The following LIPI variants were observed in gnomAD, a reference collection of about 807,000 sequenced individuals.
LIPI encodes lipase member I.
LIPI carries 59 observed loss-of-function variants against 50.6 expected under a neutral mutation model. That is an observed-to-expected ratio of 1.16 (90% CI 0.94 to 1.45). The LOEUF is 1.45. Among genes scored for constraint, LIPI ranks in the 40% most tolerant of loss-of-function variants. LIPI has a pLI of 0.00. For missense variants in LIPI, 586 were observed against 536.3 expected (o/e 1.09, Z -0.92); for synonymous variants, 203 against 178.2 (o/e 1.14, Z -1.11).
chr21:14,150,755 T>C (rs1457305884), intron 8 of LIPI, among the ~76,000 whole-genome samples: 1 of 152,188 alleles, frequency 6.6e-6, no homozygotes, highest in Non-Finnish European at 1.5e-5. Context: ...GTGTTCAAAA[T>C]TAGGTGAAAA....
At chr21:14,138,815 G>T (rs946098274) in intron 9 of LIPI, among the ~76,000 whole-genome samples, 1 of 151,898 alleles carries the variant, frequency 6.6e-6, no homozygotes, top group Non-Finnish European at 1.5e-5. Context: ...GTGCATTTTA[G>T]ATCTTTCATT....
At chr21:14,165,447 C>T (rs1305922225) in intron 5 of LIPI, 57 bp from the exon 6 acceptor site, 2 of 1,278,268 alleles carry the variant, frequency 1.6e-6, no homozygotes, top group African/African-American at 3.0e-5. Context: ...TGTTCAAGTA[C>T]ATTTAAAAAC....
At chr21:14,171,780 C>T (rs927454434) in intron 4 of LIPI, among the ~76,000 whole-genome samples, 4 of 151,814 alleles carry the variant, frequency 2.6e-5, no homozygotes, top group Non-Finnish European at 4.4e-5. Flanking sequence ...AAAACCTAGG[C>T]AATACCATTC....
intron 6 of LIPI, among the ~76,000 whole-genome samples, chr21:14,163,965 C>T (rs1052104750): frequency 8.6e-5 from 13 of 150,714 alleles, no homozygotes; most frequent in African/African-American, 3.2e-4. Flanking sequence ...CATGTGTATA[C>T]ATTATATATA....
chr21:14,152,227 A>G (rs1033335510), intron 8 of LIPI, among the ~76,000 whole-genome samples: 1 of 151,986 alleles, frequency 6.6e-6, no homozygotes, highest in African/African-American at 2.4e-5. Flanking sequence ...CAGCCTCCTG[A>G]GTAGCTGGGA....
intron 2 of LIPI, among the ~76,000 whole-genome samples, chr21:14,186,326 A>C (rs1014089138): frequency 2.0e-5 from 3 of 152,314 alleles, no homozygotes; most frequent in African/African-American, 7.2e-5. Flanking sequence ...AACAGTATGC[A>C]AAATGCAATT....
intron 9 of LIPI, among the ~76,000 whole-genome samples, chr21:14,128,488 G>A (rs1025700135): frequency 1.3e-5 from 2 of 151,992 alleles, no homozygotes; most frequent in African/African-American, 4.8e-5. Context: ...TAATAGAGAG[G>A]ATACCTCATA....
In LIPI at chr21:14,165,156, G is replaced by A. The variant is rs971250679; in HGVS notation, c.901+67C>T. ...AGAGTGCACAGTTTAGCTTCCAGCAGAAAATACTAACAATTATGTTATTCA... is the reference window on the plus strand; with the variant it reads ...AGAGTGCACAGTTTAGCTTCCAGCAAAAAATACTAACAATTATGTTATTCA... On this transcript the variant is annotated intron_variant, in intron 6 of 9. Coordinates refer to ENST00000681601, the MANE Select transcript of LIPI (RefSeq NM_001302998.2). 4.7e-6 allele frequency: 6 copies of A among 1,270,714 alleles called. No individual in the cohort carries two copies. The Admixed American group carries it at 1.0e-4, about 22-fold the overall frequency. The allele number at this position is 1,270,714 out of a possible 1,614,324, so 78.7% of individuals were successfully genotyped here.
chr21:14,204,319 G>A (rs775926885), intron 1 of LIPI, among the ~76,000 whole-genome samples: 9 of 150,722 alleles, frequency 6.0e-5, no homozygotes, highest in Non-Finnish European at 1.3e-4. Flanking sequence ...TTTGGGAGGA[G>A]AGAGAGAAAA....
In LIPI at chr21:14,174,980, G is replaced by A. The variant is rs139794378; in HGVS notation, c.643+6778C>T. On this transcript the variant is annotated intron_variant, in intron 4 of 9. Transcript: ENST00000681601. ...TTGTTTCTGGCTTTTTAGATTATTA[G>A]TATGTTTGTGCTATCAATCCACATT... is the stretch of plus-strand genomic sequence containing the variant. 4.9e-3 allele frequency among the ~76,000 whole-genome samples: 750 copies of A among 152,260 alleles called. 3 individuals carry two copies. The highest frequency in any genetic ancestry group is 0.017 in the African/African-American group (710 of 41,536).
chr21:14,109,901 C>G (rs892463821), intron 9 of LIPI, among the ~76,000 whole-genome samples: 5 of 151,478 alleles, frequency 3.3e-5, no homozygotes, highest in African/African-American at 9.7e-5. Context: ...ATTTTGATAT[C>G]TTTTTTATCT....
chr21:14,181,255 T>C (rs1421838000), intron 4 of LIPI, among the ~76,000 whole-genome samples: 1 of 152,148 alleles, frequency 6.6e-6, no homozygotes, highest in African/African-American at 2.4e-5. Flanking sequence ...AAAAATCCAA[T>C]ACCCTGTTAG....
intron 9 of LIPI, among the ~76,000 whole-genome samples, chr21:14,130,759 C>T (rs2017261561): frequency 6.6e-6 from 1 of 152,122 alleles, no homozygotes; most frequent in Non-Finnish European, 1.5e-5. Context: ...ATAACTACTC[C>T]CCTAATGCCA....
rs1244031468 is a variant in LIPI at position 14,140,246 on chromosome 21, G to C, written c.1295+4377C>G. Among the ~76,000 whole-genome samples the C allele has an allele frequency of 3.3e-5, 5 of 152,188 alleles. No homozygotes were observed. The East Asian group carries it at 9.6e-4, about 29-fold the overall frequency. ...TAAAGAATTCTGGATATTTTCAGAAGGTAGGAACAAAGAGATTTCATGATT... is the reference window on the plus strand; with the variant it reads ...TAAAGAATTCTGGATATTTTCAGAACGTAGGAACAAAGAGATTTCATGATT... On this transcript the variant is annotated intron_variant, in intron 9 of 9. Transcript: ENST00000681601.
chr21:14,154,378 A>G (rs1160410066), intron 7 of LIPI, among the ~76,000 whole-genome samples: 2 of 152,020 alleles, frequency 1.3e-5, no homozygotes, highest in African/African-American at 4.8e-5. Flanking sequence ...CATTTTCAGG[A>G]AAGACAAAAA....
chr21:14,172,599 G>A (rs1230341029), intron 4 of LIPI, among the ~76,000 whole-genome samples: 2 of 151,432 alleles, frequency 1.3e-5, no homozygotes, highest in Admixed American at 6.6e-5. Flanking sequence ...CATCATTCTC[G>A]GTAAACTATC....
chr21:14,185,644 G>A (rs559529369), intron 3 of LIPI, among the ~76,000 whole-genome samples: 2 of 152,114 alleles, frequency 1.3e-5, no homozygotes, highest in African/African-American at 4.8e-5. Flanking sequence ...TTGGAAGGCC[G>A]AGGCAGGCAG....
At chr21:14,134,880 C>A (rs942710211) in intron 9 of LIPI, among the ~76,000 whole-genome samples, 5 of 151,826 alleles carry the variant, frequency 3.3e-5, no homozygotes, top group African/African-American at 1.2e-4. Flanking sequence ...TGGCCATTGG[C>A]AAAGAATATA....
intron 7 of LIPI, among the ~76,000 whole-genome samples, chr21:14,154,634 T>A (rs1202552449): frequency 6.6e-6 from 1 of 152,000 alleles, no homozygotes; most frequent in Non-Finnish European, 1.5e-5. Context: ...GAATAAAGAT[T>A]CTAAGGCTCT....
Sources: allele counts gnomAD v4.1 joint callset (sites outside exome capture counted in the v4.1 genomes callset), GRCh38; gene constraint gnomAD v4.1.1; transcripts MANE v1.5; gene names NCBI Gene and HGNC (gene_info 2026-07-23, HGNC 2026-07-21).